MAP2: variants seen among roughly 807,000 people sequenced by gnomAD.
MAP2 encodes microtubule-associated protein 2.
A neutral mutation model predicts 137.6 loss-of-function variants in MAP2; 14 were observed. That is an observed-to-expected ratio of 0.10 (90% CI 0.07 to 0.16). The LOEUF (loss-of-function observed/expected upper bound fraction) is 0.16. MAP2 is among the 10% of genes least tolerant of loss of function. The probability of loss-of-function intolerance (pLI) is 1.00; values close to 1 mark genes in which losing one functional copy is unlikely to be tolerated. For synonymous variants in MAP2, 786 were observed against 782.3 expected (o/e 1.00, Z -0.08); for missense variants, 2,088 against 2,191.5 (o/e 0.95, Z 0.94).
At chr2:209,656,748 TTTTATC>T (rs2153620511) in intron 5 of MAP2, among the ~76,000 whole-genome samples, 1 of 152,198 alleles carries the variant, frequency 6.6e-6, no homozygotes, top group South Asian at 2.1e-4. Flanking sequence ...AAAGCGTAAT[TTTTATC>T]TTTATCTTTG....
intron 3 of MAP2, among the ~76,000 whole-genome samples, chr2:209,610,658 G>A (rs2086528307): frequency 6.6e-6 from 1 of 152,018 alleles, no homozygotes; most frequent in African/African-American, 2.4e-5. Context: ...ATTCAATTTT[G>A]TGAAGAACTA....
intron 1 of MAP2, among the ~76,000 whole-genome samples, chr2:209,482,920 AC>A (rs1402176058): frequency 1.3e-5 from 2 of 152,244 alleles, no homozygotes; most frequent in African/African-American, 4.8e-5. Context: ...ATGAAATATT[AC>A]AGCCTTATAC....
At chr2:209,486,527 A>G (rs565825866) in intron 1 of MAP2, among the ~76,000 whole-genome samples, 1 of 152,276 alleles carries the variant, frequency 6.6e-6, no homozygotes, top group East Asian at 1.9e-4. Context: ...CAGCCTAGGG[A>G]AAACTTTCTT....
At chr2:209,607,596 G>T (rs919434776) in intron 3 of MAP2, among the ~76,000 whole-genome samples, 1 of 152,062 alleles carries the variant, frequency 6.6e-6, no homozygotes, top group Non-Finnish European at 1.5e-5. Flanking sequence ...CAACACACCC[G>T]GCTAATTTTT....
intron 2 of MAP2, among the ~76,000 whole-genome samples, chr2:209,554,147 T>C (rs2153312840): frequency 6.6e-6 from 1 of 152,364 alleles, no homozygotes; most frequent in Middle Eastern, 3.4e-3. Context: ...TTTAGCTCTT[T>C]GACTCTCATC....
chr2:209,627,576 C>T (rs1360821906), intron 4 of MAP2, among the ~76,000 whole-genome samples: 1 of 152,176 alleles, frequency 6.6e-6, no homozygotes, highest in African/African-American at 2.4e-5. Flanking sequence ...TGCATTCAAA[C>T]TCATCCCTTT....
At chr2:209,468,317 C>CTTTTTTTTTTTTT (rs11450792) in intron 1 of MAP2, among the ~76,000 whole-genome samples, 7 of 88,512 alleles carry the variant, frequency 7.9e-5, no homozygotes, top group East Asian at 3.4e-4. Context: ...TTTAGTGTTT[C>CTTTTTTTTTTTTT]TTTTTTTTTT....
intron 13 of MAP2, among the ~76,000 whole-genome samples, chr2:209,711,566 A>G (rs1253613758): frequency 6.6e-6 from 1 of 152,202 alleles, no homozygotes; most frequent in Non-Finnish European, 1.5e-5. Context: ...ACTAGAAGCT[A>G]CAAGAAACAT....
At chr2:209,434,276 A>G (rs1559156006) in intron 1 of MAP2, among the ~76,000 whole-genome samples, 1 of 151,914 alleles carries the variant, frequency 6.6e-6, no homozygotes, top group Non-Finnish European at 1.5e-5. Flanking sequence ...AGAGCTGTTT[A>G]CTTTTTTCCT....
At chr2:209,699,347 T>G (rs1336065977) in intron 10 of MAP2, among the ~76,000 whole-genome samples, 1 of 152,044 alleles carries the variant, frequency 6.6e-6, no homozygotes, top group Non-Finnish European at 1.5e-5. Context: ...AAGGATACAT[T>G]TTTTTTCTGA....
intron 3 of MAP2, among the ~76,000 whole-genome samples, chr2:209,593,830 TA>T (rs1411417680): frequency 2.0e-5 from 2 of 102,222 alleles, no homozygotes; most frequent in African/African-American, 7.8e-5. Context: ...ACATTATATT[TA>T]TATTATATTA....
intron 1 of MAP2, among the ~76,000 whole-genome samples, chr2:209,488,193 C>A (rs144870968): frequency 3.3e-3 from 510 of 152,322 alleles, no homozygotes; most frequent in Non-Finnish European, 5.3e-3. Flanking sequence ...CAGGGAACTC[C>A]TTCCCCTAGC....
chr2:209,517,519 G>C (rs957010229), intron 2 of MAP2, among the ~76,000 whole-genome samples: 2 of 151,992 alleles, frequency 1.3e-5, no homozygotes, highest in African/African-American at 4.8e-5. Flanking sequence ...TCTTTGGATT[G>C]AGCATAGTAT....
At chr2:209,460,705 G>A (rs1349229213) in intron 1 of MAP2, among the ~76,000 whole-genome samples, 1 of 149,148 alleles carries the variant, frequency 6.7e-6, no homozygotes, top group Non-Finnish European at 1.5e-5. Context: ...TCTGTTTGTG[G>A]TAAGTAGAAT....
chr2:209,537,467 A>C (rs1180495510), intron 2 of MAP2, among the ~76,000 whole-genome samples: 1 of 151,612 alleles, frequency 6.6e-6, no homozygotes, highest in Non-Finnish European at 1.5e-5. Context: ...GGTTAAATGC[A>C]CCAGAAACTT....
chr2:209,427,365 ATAGAT>A (rs1294653323), intron 1 of MAP2, among the ~76,000 whole-genome samples: 9 of 152,216 alleles, frequency 5.9e-5, no homozygotes, highest in Non-Finnish European at 2.9e-5. Flanking sequence ...TGTCTCTGTT[ATAGAT>A]TAGTTAAAGA....
intron 4 of MAP2, among the ~76,000 whole-genome samples, chr2:209,628,289 C>T (rs1209306143): frequency 4.6e-5 from 7 of 152,090 alleles, no homozygotes; most frequent in Non-Finnish European, 7.4e-5. Context: ...CGCTTGAACC[C>T]GGGAGACGGA....
intron 1 of MAP2, among the ~76,000 whole-genome samples, chr2:209,425,104 G>T (rs1692183954): frequency 1.3e-5 from 2 of 151,730 alleles, no homozygotes; most frequent in African/African-American, 4.8e-5. Context: ...ATTTGGGTGT[G>T]TATAGGGGGA....
chr2:209,487,504 C>T (rs1249580738), intron 1 of MAP2, among the ~76,000 whole-genome samples: 1 of 152,186 alleles, frequency 6.6e-6, no homozygotes, highest in Non-Finnish European at 1.5e-5. Flanking sequence ...ACACAGCTGC[C>T]TGCCTGACAT....
Sources: allele counts gnomAD v4.1 joint callset (sites outside exome capture counted in the v4.1 genomes callset), GRCh38; gene constraint gnomAD v4.1.1; transcripts MANE v1.5; gene names NCBI Gene and HGNC (gene_info 2026-07-23, HGNC 2026-07-21).